CLMP: variants seen among roughly 807,000 people sequenced by gnomAD.
CLMP encodes CXADR like cell adhesion molecule, also known as CXADR-like membrane protein.
Under a neutral mutation model 45.2 loss-of-function variants are expected in CLMP, and 27 were observed. The observed-to-expected ratio is 0.60, with a 90% CI of 0.44 to 0.82. The LOEUF is 0.82. Among genes scored for constraint, CLMP ranks in the 40% least tolerant of loss-of-function variants. CLMP has a pLI of 0.00. For missense variants in CLMP, 403 were observed against 448.4 expected (o/e 0.90, Z 0.91); for synonymous variants, 167 against 171.4 (o/e 0.97, Z 0.20).
At chr11:123,084,770 A>G in intron 2 of CLMP, 57 bp from the exon 3 acceptor site, 1 of 1,499,774 alleles carries the variant, frequency 6.7e-7, no homozygotes, top group Non-Finnish European at 9.2e-7. Flanking sequence ...GCCTTTCCTG[A>G]TGGTGTGAAG....
chr11:123,079,338 G>T (rs761056938), intron 5 of CLMP, among the ~76,000 whole-genome samples: 2 of 152,134 alleles, frequency 1.3e-5, no homozygotes, highest in Non-Finnish European at 2.9e-5. Flanking sequence ...AATTAAAAGG[G>T]TGATTTTTTT....
At chr11:123,092,360 C>T (rs182113278) in intron 2 of CLMP, among the ~76,000 whole-genome samples, 113 of 151,734 alleles carry the variant, frequency 7.4e-4, no homozygotes, top group African/African-American at 2.7e-3. Context: ...TGCAGTGGCA[C>T]AATCTTGGCC....
chr11:123,192,444 G>A (rs1314121189), intron 1 of CLMP, among the ~76,000 whole-genome samples: 1 of 152,146 alleles, frequency 6.6e-6, no homozygotes, highest in African/African-American at 2.4e-5. Flanking sequence ...TTCTACCAGC[G>A]GCCTCACAGG....
At chr11:123,145,275 G>A (rs1861219444) in intron 1 of CLMP, among the ~76,000 whole-genome samples, 1 of 151,886 alleles carries the variant, frequency 6.6e-6, no homozygotes, top group South Asian at 2.1e-4. Context: ...GCTATTAAAG[G>A]GTTAACTTTG....
intron 1 of CLMP, among the ~76,000 whole-genome samples, chr11:123,152,719 AG>A (rs111495770): frequency 0.08 from 12,143 of 152,016 alleles, 585 homozygotes; most frequent in African/African-American, 0.13. Flanking sequence ...TGGCACCCCC[AG>A]GGGAAAAAAT....
intron 2 of CLMP, among the ~76,000 whole-genome samples, chr11:123,094,620 C>G (rs1865969483): frequency 6.6e-6 from 1 of 152,184 alleles, no homozygotes; most frequent in Non-Finnish European, 1.5e-5. Flanking sequence ...CCATCTGGAA[C>G]TCCTGGCCTC....
chr11:123,085,349 A>G (rs1865851613), intron 2 of CLMP, among the ~76,000 whole-genome samples: 1 of 152,028 alleles, frequency 6.6e-6, no homozygotes, highest in Non-Finnish European at 1.5e-5. Flanking sequence ...CCTGGGTTCA[A>G]GCAGTTCTCC....
intron 2 of CLMP, among the ~76,000 whole-genome samples, chr11:123,089,796 AAAAG>A (rs1489605906): frequency 4.0e-5 from 4 of 100,554 alleles, no homozygotes; most frequent in East Asian, 1.1e-3. Flanking sequence ...AAAAAAAAGA[AAAAG>A]AAAAAGAAAC....
intron 1 of CLMP, among the ~76,000 whole-genome samples, chr11:123,174,243 T>G (rs1490259028): frequency 6.6e-6 from 1 of 152,216 alleles, no homozygotes; most frequent in Admixed American, 6.5e-5. Flanking sequence ...TCTACTGCAC[T>G]GTGCTACCTC....
At chr11:123,090,578 G>A (rs779892262) in intron 2 of CLMP, among the ~76,000 whole-genome samples, 1 of 152,132 alleles carries the variant, frequency 6.6e-6, no homozygotes, top group Non-Finnish European at 1.5e-5. Flanking sequence ...ACTATAAAAG[G>A]GGGCTGCGTT....
chr11:123,151,155 G>A (rs1861332864), intron 1 of CLMP, among the ~76,000 whole-genome samples: 2 of 152,202 alleles, frequency 1.3e-5, no homozygotes, highest in Non-Finnish European at 1.5e-5. Context: ...TTACAAGAAA[G>A]GACCCCTGGA....
At chr11:123,117,772 G>A (rs144129470) in intron 1 of CLMP, among the ~76,000 whole-genome samples, 90 of 152,228 alleles carry the variant, frequency 5.9e-4, no homozygotes, top group Middle Eastern at 3.4e-3. Context: ...AATGCTGTGC[G>A]TGCCACCCTG....
intron 1 of CLMP, among the ~76,000 whole-genome samples, chr11:123,157,792 C>T (rs1861435165): frequency 6.7e-6 from 1 of 148,946 alleles, no homozygotes; most frequent in African/African-American, 2.5e-5. Context: ...GGGTTCACGG[C>T]GTGTAAGTAA....
intron 2 of CLMP, 46 bp downstream of exon 2, chr11:123,097,749 C>A (rs1866006506): frequency 6.9e-7 from 1 of 1,441,688 alleles, no homozygotes; most frequent in Non-Finnish European, 9.3e-7. Context: ...AAGGCAAATG[C>A]AGGAGGACAA....
chr11:123,096,341 G>A (rs1053560031), intron 2 of CLMP, among the ~76,000 whole-genome samples: 6 of 151,980 alleles, frequency 3.9e-5, no homozygotes. Context: ...GCGACAGAGT[G>A]AGACTTCATC....
chr11:123,077,297 C>G (rs1249437897), intron 5 of CLMP, among the ~76,000 whole-genome samples: 1 of 151,502 alleles, frequency 6.6e-6, no homozygotes, highest in Non-Finnish European at 1.5e-5. Flanking sequence ...CCACTGCACC[C>G]AGCCTATTTA....
In CLMP at chr11:123,173,338, A is replaced by G. The variant is rs1861660649; in HGVS notation, c.28+21575T>C. Among the ~76,000 whole-genome samples, 3 of 152,312 alleles carry G rather than the reference A, an allele frequency of 2.0e-5. No homozygotes were observed. In the South Asian group the frequency reaches 6.2e-4, roughly 32 times the overall value. On this transcript the variant is annotated intron_variant, in intron 1 of 6. Coordinates refer to ENST00000448775, the MANE Select transcript of CLMP (RefSeq NM_024769.5). ...GTCCCTGTTCTATCCTGTTATTCCA[A>G]AAGTATTCTCAAGCCAGTCAGACCA...
At chr11:123,129,416 TATA>T (rs902657860) in intron 1 of CLMP, among the ~76,000 whole-genome samples, 11 of 140,924 alleles carry the variant, frequency 7.8e-5, no homozygotes, top group African/African-American at 2.7e-4. Flanking sequence ...TATCATATGA[TATA>T]TTATATAAAA....
At position 123,194,862 on chromosome 11, in the gene CLMP, G is replaced by A. The variant is rs1441625084; in HGVS notation, c.28+51C>T. On this transcript the variant is annotated intron_variant, in intron 1 of 6. Coordinates refer to ENST00000448775, the MANE Select transcript of CLMP (RefSeq NM_024769.5). ...AACCGGCGTCTTTCCCGGACGCAGG[G>A]CTGCGTTTGCCCACGGCCATCCAAA... The A allele has an allele frequency of 2.5e-6, 4 of 1,609,026 alleles. No homozygotes were observed. The East Asian group carries it at 6.7e-5, about 27-fold the overall frequency.
Sources: allele counts gnomAD v4.1 joint callset (sites outside exome capture counted in the v4.1 genomes callset), GRCh38; gene constraint gnomAD v4.1.1; transcripts MANE v1.5; gene names NCBI Gene and HGNC (gene_info 2026-07-23, HGNC 2026-07-21).